RORA: variants seen among roughly 807,000 people sequenced by gnomAD.
RORA encodes the protein nuclear receptor ROR-alpha.
RORA carries 7 observed loss-of-function variants against 69.5 expected under a neutral mutation model. The ratio of observed to expected loss-of-function variants is 0.10; its 90% CI spans 0.06 to 0.19. The LOEUF (loss-of-function observed/expected upper bound fraction) is 0.19, where lower values mean the gene tolerates loss of function less well. Ranked by LOEUF, RORA falls within the 10% of genes least tolerant of loss-of-function variation. The pLI is 1.00. For synonymous variants in RORA, 261 were observed against 240.8 expected, an observed-to-expected ratio of 1.08 and a Z score of -0.78; for missense variants, 457 against 663.0, an observed-to-expected ratio of 0.69 and a Z score of 3.41.
At chr15:60,567,211 G>T (rs1201359472) in intron 2 of RORA, among the ~76,000 whole-genome samples, 1 of 151,372 alleles carries the variant, frequency 6.6e-6, no homozygotes, top group Non-Finnish European at 1.5e-5. Context: ...AAAAGACCTG[G>T]TGATGACAGA....
intron 1 of RORA, among the ~76,000 whole-genome samples, chr15:61,171,428 T>C (rs1326251400): frequency 3.3e-5 from 5 of 152,116 alleles, no homozygotes; most frequent in Non-Finnish European, 5.9e-5. Flanking sequence ...AGGTCTGTAT[T>C]TGCATTTCAA....
chr15:60,773,979 A>G (rs1255796070), intron 1 of RORA, among the ~76,000 whole-genome samples: 1 of 152,234 alleles, frequency 6.6e-6, no homozygotes, highest in African/African-American at 2.4e-5. Context: ...CAGCTTTAAG[A>G]TGCTAATTGT....
At chr15:60,807,450 C>T (rs2072675858) in intron 1 of RORA, among the ~76,000 whole-genome samples, 4 of 152,144 alleles carry the variant, frequency 2.6e-5, no homozygotes. Context: ...GAAAACATAT[C>T]CCATGCTCAT....
intron 1 of RORA, among the ~76,000 whole-genome samples, chr15:60,999,761 C>G (rs1448006302): frequency 6.6e-6 from 1 of 152,150 alleles, no homozygotes; most frequent in Non-Finnish European, 1.5e-5. Flanking sequence ...AAAGATTTTG[C>G]TTTTGGGTTC....
intron 1 of RORA, among the ~76,000 whole-genome samples, chr15:60,692,753 G>C (rs762823817): frequency 5.9e-5 from 9 of 152,156 alleles, no homozygotes; most frequent in African/African-American, 9.7e-5. Context: ...ATTCAAGCCA[G>C]TAAGGGCTGG....
chr15:60,710,770 C>T (rs1382226860), intron 1 of RORA, among the ~76,000 whole-genome samples: 1 of 152,128 alleles, frequency 6.6e-6, no homozygotes, highest in Non-Finnish European at 1.5e-5. Flanking sequence ...TCCTGTGGTG[C>T]CTCTGAAAAG....
chr15:61,210,512 C>A (rs1328291107), intron 1 of RORA, among the ~76,000 whole-genome samples: 1 of 152,206 alleles, frequency 6.6e-6, no homozygotes, highest in African/African-American at 2.4e-5. Context: ...CGAAACTGCA[C>A]AACCTCTAAC....
intron 1 of RORA, among the ~76,000 whole-genome samples, chr15:60,741,076 A>G (rs1171286496): frequency 6.6e-6 from 1 of 152,226 alleles, no homozygotes; most frequent in African/African-American, 2.4e-5. Flanking sequence ...CCATGCTCCA[A>G]GTCAGTGATA....
At chr15:60,909,144 T>A (rs1054789) in intron 1 of RORA, among the ~76,000 whole-genome samples, 74,478 of 152,038 alleles carry the variant, frequency 0.49, 21,163 homozygotes, top group East Asian at 0.65. Context: ...CTTGCTGTGG[T>A]CCCAGCGGTG....
At chr15:61,228,887 T>TG (rs2080173662) in intron 1 of RORA, among the ~76,000 whole-genome samples, 166 bp downstream of exon 1, 1 of 149,136 alleles carries the variant, frequency 6.7e-6, no homozygotes, top group African/African-American at 2.5e-5. Flanking sequence ...GCAACATTTC[T>TG]GGGGGGCGGA....
At chr15:61,118,303 G>T (rs2079068369) in intron 1 of RORA, among the ~76,000 whole-genome samples, 1 of 152,156 alleles carries the variant, frequency 6.6e-6, no homozygotes, top group Admixed American at 6.5e-5. Context: ...CGCTTGTGAG[G>T]CTCTCGTAAG....
intron 1 of RORA, among the ~76,000 whole-genome samples, chr15:61,019,927 C>T (rs531584558): frequency 6.6e-6 from 1 of 152,280 alleles, no homozygotes; most frequent in East Asian, 1.9e-4. Context: ...TGCTCCGACA[C>T]CAACTTCCCG....
intron 1 of RORA, chr15:60,849,037 A>T (rs954399444): frequency 2.6e-5 from 4 of 152,026 alleles, no homozygotes; most frequent in African/African-American, 9.7e-5. Context: ...AAATCAATAT[A>T]CCTCCCAACC....
intron 2 of RORA, among the ~76,000 whole-genome samples, chr15:60,563,597 GA>G (rs1207810652): frequency 1.3e-5 from 2 of 152,168 alleles, no homozygotes; most frequent in Non-Finnish European, 2.9e-5. Flanking sequence ...GTAGCATGGG[GA>G]TCTTACCCAC....
At chr15:60,516,053 ATATT>A (rs1261339802) in intron 3 of RORA, among the ~76,000 whole-genome samples, 9,857 of 19,444 alleles carry the variant, frequency 0.51, 2,200 homozygotes, top group Middle Eastern at 0.77. Flanking sequence ...ATATTTATAT[ATATT>A]TATATATATT....
chr15:60,862,563 T>C (rs1320492286), intron 1 of RORA, among the ~76,000 whole-genome samples: 1 of 152,158 alleles, frequency 6.6e-6, no homozygotes, highest in Admixed American at 6.5e-5. Flanking sequence ...ATTGGCAAAT[T>C]GCATCCGCTC....
intron 1 of RORA, among the ~76,000 whole-genome samples, chr15:61,103,964 C>T (rs2078916743): frequency 6.6e-6 from 1 of 152,154 alleles, no homozygotes; most frequent in Admixed American, 6.5e-5. Context: ...CACACTTGGC[C>T]AATTTGTTTA....
chr15:60,862,358 G>A (rs1180780809), intron 1 of RORA, among the ~76,000 whole-genome samples: 2 of 152,204 alleles, frequency 1.3e-5, no homozygotes, highest in African/African-American at 4.8e-5. Context: ...TGTATAGATG[G>A]ACAAGGAAAA....
At position 61,128,387 on chromosome 15, in the gene RORA, T is replaced by C. The variant is rs906116948; in HGVS notation, c.166+100666A>G. Among the ~76,000 whole-genome samples the C allele has an allele frequency of 2.0e-5, 3 of 152,142 alleles. No individual in the cohort carries two copies. Among genetic ancestry groups the C allele is most frequent in the African/African-American group, 4.8e-5 (2 of 41,416 alleles). On this transcript the variant is annotated intron_variant, in intron 1 of 10. Transcript: ENST00000335670. The surrounding 1 kb of genome is among the most constrained non-coding windows in gnomAD (Gnocchi z 4.5). The stretch of plus-strand genomic sequence containing the variant: ...TAAACTTAAAATCAGTCACATGAAA[T>C]GTGCAGGATCTCAAATGATGCTGTA...
Sources: allele counts gnomAD v4.1 joint callset (sites outside exome capture counted in the v4.1 genomes callset), GRCh38; gene constraint gnomAD v4.1.1; non-coding constraint Gnocchi (gnomAD v3.1); transcripts MANE v1.5; gene names NCBI Gene and HGNC (gene_info 2026-07-23, HGNC 2026-07-21).